Variants in KALRN observed in about 807,000 individuals in gnomAD.
KALRN encodes kalirin.
KALRN carries 70 observed loss-of-function variants against 353.7 expected under a neutral mutation model. The ratio of observed to expected loss-of-function variants is 0.20; its 90% confidence interval spans 0.16 to 0.24. The LOEUF (loss-of-function observed/expected upper bound fraction) is 0.24, where lower values mean the gene tolerates loss of function less well. KALRN is among the 10% of genes least tolerant of loss of function. The pLI, the probability that KALRN is intolerant of heterozygous loss-of-function variation, is 1.00. For synonymous variants in KALRN, 1,391 were observed against 1,434.8 expected, an observed-to-expected ratio of 0.97 and a Z score of 0.69; for missense variants, 2,791 against 3,756.7, an observed-to-expected ratio of 0.74 and a Z score of 6.72.
rs530130675 is a variant in KALRN at position 124,709,342 on chromosome 3, A to G, written c.8076-3593A>G. ...ACCCAGGCTGGAGTGCAGTGGCACA[A>G]TCTTGGCTCACTGCAACCTCTGCCT... On this transcript the variant is annotated intron_variant, in intron 57 of 59. Transcript: ENST00000682506. Among the ~76,000 whole-genome samples, 466 of 152,330 alleles carry G rather than the reference A, an allele frequency of 3.1e-3. 1 individual carries two copies. Among genetic ancestry groups the G allele is most frequent in the Middle Eastern group, 0.02 (6 of 294 alleles).
chr3:124,255,148 T>C (rs2071761756), intron 3 of KALRN, among the ~76,000 whole-genome samples: 1 of 152,252 alleles, frequency 6.6e-6, no homozygotes, highest in Admixed American at 6.5e-5. Context: ...TTCACCATGT[T>C]GGCCAGGCTG....
At chr3:124,674,203 C>T (rs1324000050) in intron 48 of KALRN, among the ~76,000 whole-genome samples, 161 bp from the exon 49 acceptor site, 4 of 152,110 alleles carry the variant, frequency 2.6e-5, no homozygotes, top group African/African-American at 9.7e-5. Context: ...ACTTTCAGAG[C>T]ATGTTTATTA....
intron 25 of KALRN, among the ~76,000 whole-genome samples, chr3:124,465,732 G>A (rs897805333): frequency 6.6e-6 from 1 of 152,148 alleles, no homozygotes; most frequent in African/African-American, 2.4e-5. Context: ...TTGCAATTAA[G>A]CATTGTCTAA....
At chr3:124,696,090 G>T in intron 53 of KALRN, 44 bp from the exon 54 acceptor site, 1 of 1,608,118 alleles carries the variant, frequency 6.2e-7, no homozygotes, top group Non-Finnish European at 8.5e-7. Context: ...GCAGTCAAGT[G>T]TCTCATTACT....
At chr3:124,323,148 T>C (rs1029667524) in intron 6 of KALRN, among the ~76,000 whole-genome samples, 7 of 152,196 alleles carry the variant, frequency 4.6e-5, no homozygotes, top group Admixed American at 1.3e-4. Context: ...TGGTCTTTTT[T>C]TGTTTATTTG....
chr3:124,638,690 A>C (rs618198), intron 37 of KALRN, among the ~76,000 whole-genome samples: 35,636 of 151,912 alleles, frequency 0.23, 4,486 homozygotes, highest in East Asian at 0.47. Flanking sequence ...CTGCCTTCAC[A>C]CCCAATTGGT....
chr3:124,601,063 G>A (rs34765415), intron 34 of KALRN, among the ~76,000 whole-genome samples: 23,548 of 152,132 alleles, frequency 0.15, 1,952 homozygotes, highest in Middle Eastern at 0.19. Context: ...GGGTTAGGAG[G>A]GTCAGACTGA....
intron 21 of KALRN, among the ~76,000 whole-genome samples, chr3:124,447,311 A>T (rs748365746): frequency 6.6e-5 from 10 of 152,238 alleles, no homozygotes; most frequent in Admixed American, 3.9e-4. Context: ...ATATATGGGT[A>T]CACAAAACAG....
At position 124,679,511 on chromosome 3, in the gene KALRN, C is replaced by T. The variant is rs146042178; in HGVS notation, c.7371C>T (p.Ser2457=). The change falls in exon 51 of 60, where the codon AGC becomes AGT. Residue 2457 remains serine, a synonymous_variant. Transcript: ENST00000682506. The part of the protein sequence containing the change: ...SECDDLDPNT[S]MEILNPNFIQ... ...GTGATGATCTTGACCCTAATACTAGCATGGAGGTAGAAGCAGCTATTGTTG... is the reference window on the plus strand; with the variant it reads ...GTGATGATCTTGACCCTAATACTAGTATGGAGGTAGAAGCAGCTATTGTTG... 55 of 1,613,264 alleles carry T rather than the reference C, an allele frequency of 3.4e-5. No homozygotes were observed. Among genetic ancestry groups the T allele is most frequent in the Non-Finnish European group, 4.7e-5 (55 of 1,179,278 alleles).
rs371408363 is a variant in KALRN at position 124,606,880 on chromosome 3, A to G, written c.5183-25540A>G. Among the ~76,000 whole-genome samples the G allele has an allele frequency of 3.4e-4, 52 of 152,378 alleles. No homozygotes were observed. The Middle Eastern group carries it at 0.01, about 30-fold the overall frequency. On this transcript the variant is annotated intron_variant, in intron 34 of 59. Transcript: ENST00000682506. The stretch of plus-strand genomic sequence containing the variant: ...AACTTTTCAAAAGATAACATCTAGT[A>G]ATCAAAAATTCAAATAAAAACGATA...
intron 1 of KALRN, among the ~76,000 whole-genome samples, chr3:124,075,957 C>T (rs1286749498): frequency 1.3e-5 from 2 of 152,164 alleles, no homozygotes; most frequent in African/African-American, 2.4e-5. Context: ...GGCCCAAGGT[C>T]GCCAGCCTTG....
intron 5 of KALRN, among the ~76,000 whole-genome samples, chr3:124,273,816 G>A (rs1300374140): frequency 6.6e-6 from 1 of 152,166 alleles, no homozygotes; most frequent in Non-Finnish European, 1.5e-5. Flanking sequence ...AGTCTCAGCC[G>A]GGCGCCCTCT....
intron 2 of KALRN, among the ~76,000 whole-genome samples, chr3:124,230,881 A>AC (rs2079080669): frequency 6.6e-6 from 1 of 151,484 alleles, no homozygotes; most frequent in African/African-American, 2.4e-5. Flanking sequence ...ACAAAAAAAA[A>AC]ACACCAAACC....
chr3:124,684,822 C>T (rs938842919), intron 51 of KALRN, among the ~76,000 whole-genome samples: 3 of 152,120 alleles, frequency 2.0e-5, no homozygotes, highest in Non-Finnish European at 4.4e-5. Flanking sequence ...AGTGTCCACT[C>T]CTGGCTCTGG....
chr3:124,455,474 A>C, intron 22 of KALRN, 115 bp downstream of exon 22: 2 of 1,051,788 alleles, frequency 1.9e-6, no homozygotes, highest in East Asian at 2.6e-5. Flanking sequence ...TGAGCTATTG[A>C]CTCCTAGAGC....
chr3:124,369,869 T>TCATATAAGTGAG (rs2085588777), intron 10 of KALRN, among the ~76,000 whole-genome samples: 1 of 152,084 alleles, frequency 6.6e-6, no homozygotes, highest in Non-Finnish European at 1.5e-5. Flanking sequence ...ATGCAGTATT[T>TCATATAAGTGAG]ATCTTGCTGT....
intron 1 of KALRN, among the ~76,000 whole-genome samples, chr3:124,063,133 C>T (rs913277417): frequency 1.3e-5 from 2 of 152,098 alleles, no homozygotes; most frequent in Non-Finnish European, 2.9e-5. Context: ...AGAGCTAGGA[C>T]AGCCGGAGGT....
At chr3:124,390,406 C>T (rs2089178033) in intron 11 of KALRN, among the ~76,000 whole-genome samples, 1 of 152,200 alleles carries the variant, frequency 6.6e-6, no homozygotes, top group Non-Finnish European at 1.5e-5. Flanking sequence ...TCTGCCACAC[C>T]ATTTCCTACT....
intron 1 of KALRN, among the ~76,000 whole-genome samples, chr3:124,067,238 G>A (rs1404162438): frequency 1.3e-5 from 2 of 152,162 alleles, no homozygotes; most frequent in African/African-American, 4.8e-5. Context: ...TCAGACCTCA[G>A]ATATGATATT....
Sources: gnomAD v4.1 joint callset for allele counts (sites outside exome capture counted in the v4.1 genomes callset) on GRCh38, gnomAD v4.1.1 for gene constraint, MANE v1.5 for transcripts, NCBI Gene and HGNC (gene_info 2026-07-23, HGNC 2026-07-21) for gene names.